Variants in DNER observed in about 807,000 individuals in gnomAD.
DNER encodes delta/notch like EGF repeat containing.
DNER carries 33 observed loss-of-function variants against 78.2 expected under a neutral mutation model. The observed-to-expected ratio is 0.42, with a 90% confidence interval of 0.32 to 0.56. The LOEUF is 0.56. Ranked by LOEUF, DNER falls within the 20% of genes least tolerant of loss-of-function variation. DNER has a pLI of 0.11. For missense variants in DNER, 918 were observed against 975.3 expected (o/e 0.94, Z 0.78); for synonymous variants, 417 against 384.8 (o/e 1.08, Z -0.98).
chr2:229,457,970 TA>T (rs1694611905), intron 7 of DNER, among the ~76,000 whole-genome samples: 3 of 151,212 alleles, frequency 2.0e-5, no homozygotes, highest in Admixed American at 2.0e-4. Context: ...ACCCTGTCTC[TA>T]CTAAAAATAC....
intron 4 of DNER, among the ~76,000 whole-genome samples, chr2:229,548,150 G>T (rs1696660534): frequency 6.6e-6 from 1 of 152,210 alleles, no homozygotes; most frequent in Non-Finnish European, 1.5e-5. Context: ...CTAGGAGTCA[G>T]TGGGGAAAAG....
At chr2:229,473,803 G>A (rs994427936) in intron 7 of DNER, among the ~76,000 whole-genome samples, 3 of 152,180 alleles carry the variant, frequency 2.0e-5, no homozygotes, top group Non-Finnish European at 2.9e-5. Flanking sequence ...AAGGGTCAGG[G>A]CTGGCTCTGA....
At position 229,704,072 on chromosome 2, in the gene DNER, G is replaced by T. The variant is rs559517899; in HGVS notation, c.276+10076C>A. Among the ~76,000 whole-genome samples the T allele has an allele frequency of 1.1e-4, 16 of 152,300 alleles. No individual in the cohort carries two copies. In the East Asian group the frequency reaches 2.7e-3, roughly 26 times the overall value. ...GAATAGACATTTCATCAAAGAAGAGGCATGGATAGCAAATAGCATATGAAA... is the reference window on the plus strand; with the variant it reads ...GAATAGACATTTCATCAAAGAAGAGTCATGGATAGCAAATAGCATATGAAA... On this transcript the variant is annotated intron_variant, in intron 1 of 12. Coordinates refer to ENST00000341772, the MANE Select transcript of DNER (RefSeq NM_139072.4).
At position 229,615,442 on chromosome 2, in the gene DNER, G is replaced by T. The variant is rs565241041; in HGVS notation, c.277-23554C>A. 1.4e-4 allele frequency among the ~76,000 whole-genome samples: 22 copies of T among 151,756 alleles called. No homozygotes were observed. The East Asian group carries it at 4.1e-3, about 28-fold the overall frequency. On this transcript the variant is annotated intron_variant, in intron 1 of 12. Transcript: ENST00000341772. ...AAAAAAAAAAAGGCCGGGCGCGGTG[G>T]TTCACGCCTGTAATCCCAGCACCTT...
intron 1 of DNER, among the ~76,000 whole-genome samples, chr2:229,596,257 G>T (rs775045656): frequency 1.1e-4 from 16 of 152,218 alleles, no homozygotes; most frequent in Non-Finnish European, 2.1e-4. Flanking sequence ...GTACTGCCTT[G>T]TTAAATGGAA....
chr2:229,654,162 T>C (rs1256831704), intron 1 of DNER, among the ~76,000 whole-genome samples: 1 of 151,814 alleles, frequency 6.6e-6, no homozygotes, highest in Non-Finnish European at 1.5e-5. Context: ...CCCCACCCTG[T>C]GTCCAAGTGT....
At chr2:229,523,089 G>T (rs190143955) in intron 5 of DNER, among the ~76,000 whole-genome samples, 1 of 152,202 alleles carries the variant, frequency 6.6e-6, no homozygotes, top group African/African-American at 2.4e-5. Flanking sequence ...AAGGTGATGA[G>T]GGGAGCATGA....
At chr2:229,492,818 A>G (rs1695428917) in intron 6 of DNER, among the ~76,000 whole-genome samples, 1 of 151,860 alleles carries the variant, frequency 6.6e-6, no homozygotes, top group Admixed American at 6.6e-5. Context: ...GCAGGCACAT[A>G]CCACCATGCG....
intron 7 of DNER, among the ~76,000 whole-genome samples, chr2:229,462,964 G>A (rs1255716786): frequency 6.6e-6 from 1 of 152,108 alleles, no homozygotes; most frequent in Admixed American, 6.5e-5. Flanking sequence ...TGACATAAGT[G>A]TTAGACAAGC....
At chr2:229,394,382 C>G (rs1574823440) in intron 10 of DNER, among the ~76,000 whole-genome samples, 1 of 151,790 alleles carries the variant, frequency 6.6e-6, no homozygotes, top group African/African-American at 2.4e-5. Context: ...AGACAGGCTT[C>G]TCTTCGTAAG....
intron 9 of DNER, among the ~76,000 whole-genome samples, chr2:229,416,421 A>G (rs1272009518): frequency 6.6e-6 from 1 of 152,136 alleles, no homozygotes; most frequent in Non-Finnish European, 1.5e-5. Flanking sequence ...ACAACATAAC[A>G]CATTCCCCTT....
chr2:229,458,972 TA>T (rs1694634780), intron 7 of DNER, among the ~76,000 whole-genome samples: 1 of 152,036 alleles, frequency 6.6e-6, no homozygotes, highest in Non-Finnish European at 1.5e-5. Context: ...TATACACTAG[TA>T]ATAAGCAACT....
At chr2:229,668,799 G>A (rs1290831741) in intron 1 of DNER, among the ~76,000 whole-genome samples, 1 of 151,536 alleles carries the variant, frequency 6.6e-6, no homozygotes, top group Non-Finnish European at 1.5e-5. Context: ...AACCATTGTG[G>A]AAGACAGTGT....
Position 229,394,435 on chromosome 2 carries a change from C to G in DNER, c.1724-6039G>C, listed in dbSNP as rs536645474. On this transcript the variant is annotated intron_variant, in intron 10 of 12. Transcript: ENST00000341772. ...TTTCTGATAAACTGGATATGTCAGC[C>G]TCTTTCTTCAGCCTCTCAGCTTCCT... is the stretch of plus-strand genomic sequence containing the variant. Among the ~76,000 whole-genome samples, 8 of 152,354 alleles carry G rather than the reference C, an allele frequency of 5.3e-5. No homozygotes were observed. In the South Asian group the frequency reaches 1.7e-3, roughly 32 times the overall value.
At chr2:229,663,053 C>T (rs1345992843) in intron 1 of DNER, among the ~76,000 whole-genome samples, 3 of 152,196 alleles carry the variant, frequency 2.0e-5, no homozygotes, top group Admixed American at 6.5e-5. Context: ...CTTTCCAGTG[C>T]TTTGCCCCAA....
At chr2:229,650,072 CAAAAA>C (rs34030074) in intron 1 of DNER, among the ~76,000 whole-genome samples, 2 of 93,160 alleles carry the variant, frequency 2.1e-5, no homozygotes, top group Non-Finnish European at 2.3e-5. Context: ...AAGACTCCGT[CAAAAA>C]AAAAAAAAAA....
At chr2:229,604,000 C>T (rs1002321956) in intron 1 of DNER, among the ~76,000 whole-genome samples, 7 of 152,114 alleles carry the variant, frequency 4.6e-5, no homozygotes, top group Non-Finnish European at 1.0e-4. Context: ...TCCAGCACCG[C>T]GGCCACATGA....
chr2:229,646,249 A>G (rs1019129146), intron 1 of DNER, among the ~76,000 whole-genome samples: 1 of 152,254 alleles, frequency 6.6e-6, no homozygotes, highest in African/African-American at 2.4e-5. Flanking sequence ...ATGACTAAAC[A>G]AGTCCCAACA....
intron 1 of DNER, among the ~76,000 whole-genome samples, chr2:229,611,121 A>G (rs1173376803): frequency 6.6e-6 from 1 of 152,264 alleles, no homozygotes; most frequent in Non-Finnish European, 1.5e-5. Context: ...TCAACTGAGC[A>G]GCTGTATAGT....
Sources: gnomAD v4.1 joint callset for allele counts (sites outside exome capture counted in the v4.1 genomes callset) on GRCh38, gnomAD v4.1.1 for gene constraint, MANE v1.5 for transcripts, NCBI Gene and HGNC (gene_info 2026-07-23, HGNC 2026-07-21) for gene names.